Variants in CDH12 observed in about 807,000 individuals in gnomAD.
CDH12 encodes the protein cadherin 12.
A neutral mutation model predicts 74.1 loss-of-function variants in CDH12; 41 were observed. That is an observed-to-expected ratio of 0.55 (90% CI 0.43 to 0.72). The LOEUF (loss-of-function observed/expected upper bound fraction) is 0.72, where lower values mean the gene tolerates loss of function less well. CDH12 is among the 30% of genes least tolerant of loss of function. The pLI is 0.00. For synonymous variants in CDH12, 399 were observed against 355.0 expected, an observed-to-expected ratio of 1.12 and a Z score of -1.39; for missense variants, 945 against 977.2, an observed-to-expected ratio of 0.97 and a Z score of 0.44.
In CDH12 at chr5:22,425,162, TATATATATAA is replaced by T. The variant is rs1464474846; in HGVS notation, c.-427-19821_-427-19812del. On this transcript the variant is annotated intron_variant, in intron 2 of 14. Transcript: ENST00000382254. ...ATATATATGTGTGTGTGTATATATA[TATATATATAA>T]ATATATATATATATATACTTCTTTC... 2.5e-3 allele frequency among the ~76,000 whole-genome samples: 334 copies of T among 134,832 alleles called. 3 individuals are homozygous for T. The highest frequency in any genetic ancestry group is 0.013 in the East Asian group (57 of 4,456). The allele number at this position is 134,832 out of a possible 152,430, so 88.5% of individuals were successfully genotyped here.
chr5:22,817,871 T>A (rs1749470280), intron 1 of CDH12, among the ~76,000 whole-genome samples: 1 of 152,154 alleles, frequency 6.6e-6, no homozygotes, highest in African/African-American at 2.4e-5. Flanking sequence ...AATTTGGTAT[T>A]CTCAAATTTT....
chr5:22,275,597 A>G (rs12332308), intron 3 of CDH12, among the ~76,000 whole-genome samples: 150,123 of 152,250 alleles, frequency 0.99, 74,051 homozygotes, highest in Non-Finnish European at 1. Flanking sequence ...AGGAGATTTC[A>G]AATAAGGCTT....
chr5:21,885,088 T>A (rs1752558371), intron 6 of CDH12, among the ~76,000 whole-genome samples: 2 of 152,130 alleles, frequency 1.3e-5, no homozygotes, highest in Non-Finnish European at 2.9e-5. Flanking sequence ...GGTTTCTCCA[T>A]GTTGGTCAGG....
At chr5:22,720,500 A>C (rs1476808925) in intron 1 of CDH12, among the ~76,000 whole-genome samples, 1 of 152,180 alleles carries the variant, frequency 6.6e-6, no homozygotes, top group Non-Finnish European at 1.5e-5. Flanking sequence ...TTGGTGCTGC[A>C]GAGAGTGGGG....
At chr5:22,707,161 C>T (rs1423154283) in intron 1 of CDH12, among the ~76,000 whole-genome samples, 1 of 152,176 alleles carries the variant, frequency 6.6e-6, no homozygotes, top group African/African-American at 2.4e-5. Context: ...GAAGACACAA[C>T]ATTAAGCCTA....
intron 1 of CDH12, among the ~76,000 whole-genome samples, chr5:22,776,755 A>C (rs1443762543): frequency 6.6e-6 from 1 of 152,156 alleles, no homozygotes; most frequent in African/African-American, 2.4e-5. Flanking sequence ...TGTTCAGTTT[A>C]CAACCTTATG....
chr5:21,865,698 G>C (rs1001641105), intron 6 of CDH12, among the ~76,000 whole-genome samples: 5 of 152,122 alleles, frequency 3.3e-5, no homozygotes, highest in Non-Finnish European at 7.4e-5. Flanking sequence ...TATTCTGGAG[G>C]CATGCAGAGT....
At chr5:22,461,916 T>G (rs552140610) in intron 2 of CDH12, among the ~76,000 whole-genome samples, 58 of 152,158 alleles carry the variant, frequency 3.8e-4, no homozygotes, top group African/African-American at 1.3e-3. Flanking sequence ...TTGCTGAAAT[T>G]TTTTAATGAT....
chr5:21,878,906 GAAAAGAAAGGAAGAAAGAA>G (rs1579890202), intron 6 of CDH12, among the ~76,000 whole-genome samples: 1 of 138,212 alleles, frequency 7.2e-6, no homozygotes, highest in East Asian at 2.2e-4. Context: ...GAAAGAAAAA[GAAAAGAAAGGAAGAAAGAA>G]AAAGAAAGAA....
intron 1 of CDH12, among the ~76,000 whole-genome samples, chr5:22,846,319 T>C (rs1737299348): frequency 6.6e-6 from 1 of 152,092 alleles, no homozygotes; most frequent in African/African-American, 2.4e-5. Context: ...AGCAGAGGGA[T>C]TAGAAGTAAA....
At chr5:22,044,671 A>G (rs1739808388) in intron 5 of CDH12, among the ~76,000 whole-genome samples, 1 of 152,236 alleles carries the variant, frequency 6.6e-6, no homozygotes, top group Admixed American at 6.5e-5. Flanking sequence ...TGTATAGCCA[A>G]CTGATTTTTG....
At chr5:22,058,715 AAGAAAGAAAG>A (rs1016964933) in intron 5 of CDH12, among the ~76,000 whole-genome samples, 5 of 151,224 alleles carry the variant, frequency 3.3e-5, no homozygotes, top group South Asian at 2.1e-4. Flanking sequence ...AAGAAAAAGA[AAGAAAGAAAG>A]AGAAAGAAAG....
intron 4 of CDH12, among the ~76,000 whole-genome samples, chr5:22,175,214 T>G (rs2150332336): frequency 6.6e-6 from 1 of 152,134 alleles, no homozygotes; most frequent in East Asian, 1.9e-4. Flanking sequence ...ACATGCCTGG[T>G]TTAACAGATT....
chr5:22,252,653 C>A (rs2150388402), intron 3 of CDH12, among the ~76,000 whole-genome samples: 1 of 152,152 alleles, frequency 6.6e-6, no homozygotes, highest in East Asian at 1.9e-4. Flanking sequence ...GCACCAGAAC[C>A]ATCAGTACCT....
intron 5 of CDH12, among the ~76,000 whole-genome samples, chr5:22,045,076 T>C (rs1354388029): frequency 6.6e-6 from 1 of 152,170 alleles, no homozygotes; most frequent in Non-Finnish European, 1.5e-5. Flanking sequence ...ACTCAGACAA[T>C]TCAACAGCAA....
intron 8 of CDH12, among the ~76,000 whole-genome samples, chr5:21,831,164 C>T (rs1749001344): frequency 6.6e-6 from 1 of 151,944 alleles, no homozygotes; most frequent in African/African-American, 2.4e-5. Flanking sequence ...GATTGAAAGC[C>T]CCATAGTCAC....
chr5:22,615,666 C>G (rs1265500132), intron 1 of CDH12, among the ~76,000 whole-genome samples: 3 of 152,038 alleles, frequency 2.0e-5, no homozygotes, highest in Admixed American at 2.0e-4. Flanking sequence ...AAACAAAACA[C>G]AATTAGAGGT....
At chr5:21,951,240 A>T (rs1234956831) in intron 6 of CDH12, among the ~76,000 whole-genome samples, 1 of 152,022 alleles carries the variant, frequency 6.6e-6, no homozygotes, top group Admixed American at 6.6e-5. Flanking sequence ...TAAAAAGATT[A>T]TTAATATTTA....
chr5:22,768,217 C>T (rs141392898), intron 1 of CDH12, among the ~76,000 whole-genome samples: 26 of 152,082 alleles, frequency 1.7e-4, no homozygotes, highest in African/African-American at 5.8e-4. Flanking sequence ...CAGTCAAAAT[C>T]ACATTAGGGA....
Sources: allele counts gnomAD v4.1 joint callset (sites outside exome capture counted in the v4.1 genomes callset), GRCh38; gene constraint gnomAD v4.1.1; transcripts MANE v1.5; gene names NCBI Gene and HGNC (gene_info 2026-07-23, HGNC 2026-07-21).